PCLAF: variants seen among roughly 807,000 people sequenced by gnomAD.
PCLAF encodes the protein PCNA clamp associated factor.
In PCLAF, 12 loss-of-function variants were observed where a neutral mutation model predicts 15.1. The ratio of observed to expected loss-of-function variants is 0.79; its 90% CI spans 0.51 to 1.29. The LOEUF is 1.29. PCLAF is among the 50% of genes most tolerant of loss of function. The pLI, the probability that PCLAF is intolerant of heterozygous loss-of-function variation, is 0.00. For synonymous variants in PCLAF, 33 were observed against 47.1 expected, an observed-to-expected ratio of 0.70 and a Z score of 1.22; for missense variants, 116 against 130.9, an observed-to-expected ratio of 0.89 and a Z score of 0.56.
chr15:64,370,044 G>C (rs944493069), intron 3 of PCLAF, among the ~76,000 whole-genome samples: 2 of 151,192 alleles, frequency 1.3e-5, no homozygotes, highest in African/African-American at 4.9e-5. Flanking sequence ...GCATCAGTGT[G>C]TGACCATGTG....
chr15:64,380,148 T>A (rs1899765297), intron 2 of PCLAF, among the ~76,000 whole-genome samples: 1 of 152,034 alleles, frequency 6.6e-6, no homozygotes, highest in Non-Finnish European at 1.5e-5. Flanking sequence ...TTTGGGAAGC[T>A]GAGGCAGGCA....
At chr15:64,378,216 C>G (rs1426644072) in intron 2 of PCLAF, among the ~76,000 whole-genome samples, 2 of 151,924 alleles carry the variant, frequency 1.3e-5, no homozygotes, top group East Asian at 1.9e-4. Context: ...GTGAGCCACC[C>G]TGCCCGGCCA....
At chr15:64,380,813 G>A (rs1038279070) in intron 2 of PCLAF, 145 bp downstream of exon 2, 10 of 633,646 alleles carry the variant, frequency 1.6e-5, no homozygotes, top group African/African-American at 1.5e-4. Flanking sequence ...TACCCTAGCC[G>A]GCCAAAAGGC....
At chr15:64,367,358 C>A (rs1221427885) in intron 3 of PCLAF, among the ~76,000 whole-genome samples, 2 of 151,446 alleles carry the variant, frequency 1.3e-5, no homozygotes, top group African/African-American at 4.8e-5. Context: ...CAAAAATTAG[C>A]CGGGCATGGT....
intron 3 of PCLAF, 136 bp downstream of exon 3, chr15:64,376,607 C>T: frequency 3.3e-6 from 2 of 615,116 alleles, no homozygotes; most frequent in Non-Finnish European, 2.8e-6. Context: ...TTAGTAGAGA[C>T]AGGGTTCCAC....
At position 64,370,966 on chromosome 15, in the gene PCLAF, CTTTTT is replaced by C. The variant is rs11299642; in HGVS notation, c.291-4896_291-4892del. ...TTTGTTATTTTGCTTATTTCATGTT[CTTTTT>C]TTTTTTTTTTTTTTTGAGACGGAGT... On this transcript the variant is annotated intron_variant, in intron 3 of 3. Coordinates refer to ENST00000300035, the MANE Select transcript of PCLAF (RefSeq NM_014736.6). 7.8e-3 allele frequency among the ~76,000 whole-genome samples: 601 copies of C among 77,336 alleles called. 6 individuals carry two copies. The highest frequency in any genetic ancestry group is 0.027 in the African/African-American group (555 of 20,488). 50.7% of individuals were successfully genotyped at this position (77,336 alleles called of 152,430 possible).
intron 3 of PCLAF, among the ~76,000 whole-genome samples, chr15:64,370,035 C>A (rs915448509): frequency 2.0e-5 from 3 of 151,514 alleles, no homozygotes; most frequent in African/African-American, 7.3e-5. Context: ...AACAACTAAG[C>A]ATCAGTGTGT....
intron 3 of PCLAF, among the ~76,000 whole-genome samples, chr15:64,374,636 G>C (rs568689460): frequency 6.6e-6 from 1 of 152,030 alleles, no homozygotes; most frequent in South Asian, 2.1e-4. Flanking sequence ...CTTGAGCTCC[G>C]GAGTTTGAGA....
chr15:64,386,186 T>C (rs1899931624), upstream of PCLAF, among the ~76,000 whole-genome samples: 1 of 151,994 alleles, frequency 6.6e-6, no homozygotes, highest in Non-Finnish European at 1.5e-5. Context: ...GAAACAAAAC[T>C]TGTACCCACA....
intron 1 of PCLAF, among the ~76,000 whole-genome samples, chr15:64,386,524 T>C (rs531334491): frequency 6.6e-5 from 10 of 152,242 alleles, no homozygotes; most frequent in Non-Finnish European, 1.3e-4. Flanking sequence ...ATTCTCCTTA[T>C]GCTGCCCAGA....
At chr15:64,380,389 A>T (rs1899774377) in intron 2 of PCLAF, among the ~76,000 whole-genome samples, 1 of 152,070 alleles carries the variant, frequency 6.6e-6, no homozygotes, top group Admixed American at 6.6e-5. Flanking sequence ...TCTCAAAAAA[A>T]GAAAGAGAAA....
intron 3 of PCLAF, among the ~76,000 whole-genome samples, chr15:64,370,799 C>A (rs2140521411): frequency 6.8e-6 from 1 of 147,444 alleles, no homozygotes; most frequent in Non-Finnish European, 1.5e-5. Context: ...AGAAAGTGTC[C>A]CAAATGTAGC....
intron 3 of PCLAF, among the ~76,000 whole-genome samples, chr15:64,366,301 A>T (rs544469926): frequency 6.6e-6 from 1 of 152,332 alleles, no homozygotes; most frequent in Admixed American, 6.5e-5. Flanking sequence ...AATTTGCAGA[A>T]TCAGTGTTTC....
At chr15:64,373,693 C>T (rs1899455079) in intron 3 of PCLAF, 1 of 1,535,340 alleles carries the variant, frequency 6.5e-7, no homozygotes, top group African/African-American at 1.4e-5. Context: ...CCACCATCCC[C>T]TTACCCATTT....
upstream of PCLAF, among the ~76,000 whole-genome samples, chr15:64,384,910 CT>C (rs1170584788): frequency 6.6e-6 from 1 of 151,818 alleles, no homozygotes; most frequent in East Asian, 1.9e-4. Context: ...ATGCCTTTTT[CT>C]TTTTTTGAGA....
intron 3 of PCLAF, chr15:64,373,736 C>T (rs1899458079): frequency 1.4e-5 from 21 of 1,535,832 alleles, no homozygotes; most frequent in Non-Finnish European, 1.7e-5. Flanking sequence ...GCTTGCTGCT[C>T]AGTGTGCTGG....
At position 64,381,033 on chromosome 15, in the gene PCLAF, C is replaced by T. The variant is rs751479594; in HGVS notation, c.52G>A (p.Ala18Thr). 6 of 1,614,082 alleles carry T rather than the reference C, an allele frequency of 3.7e-6. No individual in the cohort carries two copies. In the East Asian group the frequency reaches 1.1e-4, roughly 30 times the overall value. Reference protein sequence around the residue: ...SVPGTYRKVVAARAPRKVLGS... With the variant: ...SVPGTYRKVVTARAPRKVLGS... ...AGCACCTTTCTGGGGGCTCGAGCAG[C>T]CACCACTGTGAAGAGAGGCAAAAAA... The change falls in exon 2 of 4, where the codon GCT becomes ACT. Residue 18 changes from alanine (A) to threonine (T), a missense_variant. Transcript: ENST00000300035.
At chr15:64,373,474 T>A in intron 3 of PCLAF, 1 of 630,178 alleles carries the variant, frequency 1.6e-6, no homozygotes, top group Non-Finnish European at 2.4e-6. Context: ...GTTGGAGAAC[T>A]GTAGCTGTTT....
At chr15:64,369,645 G>C (rs1899198345) in intron 3 of PCLAF, among the ~76,000 whole-genome samples, 1 of 152,016 alleles carries the variant, frequency 6.6e-6, no homozygotes, top group Admixed American at 6.6e-5. Context: ...CTGCCTCCCA[G>C]GTTCAAGTGA....
Sources: allele counts gnomAD v4.1 joint callset (sites outside exome capture counted in the v4.1 genomes callset), GRCh38; gene constraint gnomAD v4.1.1; transcripts MANE v1.5; gene names NCBI Gene and HGNC (gene_info 2026-07-23, HGNC 2026-07-21).